Variants in CNTFR observed in about 807,000 individuals in gnomAD.
CNTFR encodes ciliary neurotrophic factor receptor, also known as ciliary neurotrophic factor receptor subunit alpha.
A neutral mutation model predicts 40.4 loss-of-function variants in CNTFR; 12 were observed. The ratio of observed to expected loss-of-function variants is 0.30; its 90% CI spans 0.19 to 0.48. The LOEUF is 0.48. Among genes scored for constraint, CNTFR ranks in the 20% least tolerant of loss-of-function variants. CNTFR has a pLI of 0.99. For synonymous variants in CNTFR, 202 were observed against 209.6 expected (o/e 0.96, Z 0.31); for missense variants, 414 against 506.8 (o/e 0.82, Z 1.76).
intron 4 of CNTFR, among the ~76,000 whole-genome samples, chr9:34,563,473 CTGGATAACTCACTCTTTACTGACTAACCT>C (rs1037973144): frequency 7.2e-5 from 11 of 152,246 alleles, no homozygotes; most frequent in Non-Finnish European, 1.6e-4. Context: ...GAGGCAATGT[CTGGATAACTCACTCTTTACTGACTAACCT>C]AACTTCCTTT....
chr9:34,576,276 T>C (rs1826957372), intron 2 of CNTFR, among the ~76,000 whole-genome samples: 2 of 152,074 alleles, frequency 1.3e-5, no homozygotes, highest in South Asian at 2.1e-4. Context: ...CGTGCACACA[T>C]TACAGTCACA....
intron 4 of CNTFR, among the ~76,000 whole-genome samples, chr9:34,560,082 A>C (rs967600884): frequency 6.6e-6 from 1 of 152,338 alleles, no homozygotes; most frequent in Middle Eastern, 3.4e-3. Context: ...GTTTCCTGAC[A>C]GGGACCAGGT....
intron 4 of CNTFR, among the ~76,000 whole-genome samples, 160 bp from the exon 5 acceptor site, chr9:34,558,144 C>T (rs1825925473): frequency 6.6e-6 from 1 of 152,148 alleles, no homozygotes. Flanking sequence ...TGAGGCTTCC[C>T]AGGCCACAAG....
intron 2 of CNTFR, among the ~76,000 whole-genome samples, chr9:34,574,681 G>A (rs770929490): frequency 7.2e-5 from 11 of 152,234 alleles, no homozygotes; most frequent in Non-Finnish European, 1.5e-4. Context: ...GTTGGTATCC[G>A]CACCTGCTGT....
chr9:34,558,353 C>CTG (rs1825934300), intron 4 of CNTFR, among the ~76,000 whole-genome samples: 1 of 152,322 alleles, frequency 6.6e-6, no homozygotes, highest in South Asian at 2.1e-4. Flanking sequence ...CAGAGGAAGA[C>CTG]TGTGCTGCAG....
At chr9:34,574,138 G>C (rs1005181592) in intron 2 of CNTFR, among the ~76,000 whole-genome samples, 1 of 152,034 alleles carries the variant, frequency 6.6e-6, no homozygotes, top group African/African-American at 2.4e-5. Flanking sequence ...AGGCTTGGGG[G>C]GTGGGGGGAC....
At chr9:34,584,755 A>T (rs552599501) in intron 1 of CNTFR, among the ~76,000 whole-genome samples, 1 of 151,232 alleles carries the variant, frequency 6.6e-6, no homozygotes, top group African/African-American at 2.4e-5. Context: ...CTTTCTACAA[A>T]ATCCTGAGGC....
rs77561565 is a variant in CNTFR at position 34,554,641 on chromosome 9, T to C, written c.768+1614A>G. Among the ~76,000 whole-genome samples the C allele has an allele frequency of 6.7e-3, 1,015 of 152,314 alleles. 10 individuals are homozygous for C. The highest frequency in any genetic ancestry group is 0.024 in the African/African-American group (980 of 41,558). ...GGGAACCCATGCTGGGTCCCAGTACTTGCCTCCCTCTTGTCCATGCTGAGA... is the reference window on the plus strand; with the variant it reads ...GGGAACCCATGCTGGGTCCCAGTACCTGCCTCCCTCTTGTCCATGCTGAGA... On this transcript the variant is annotated intron_variant, in intron 7 of 9. Coordinates refer to ENST00000378980, the MANE Select transcript of CNTFR (RefSeq NM_147164.3).
chr9:34,573,179 C>A (rs994239495), intron 2 of CNTFR, among the ~76,000 whole-genome samples: 4 of 152,228 alleles, frequency 2.6e-5, no homozygotes, highest in African/African-American at 7.2e-5. Context: ...TCACCCCATG[C>A]CCAGCTGAGG....
At position 34,586,605 on chromosome 9, in the gene CNTFR, A is replaced by C. The variant is rs148688639; in HGVS notation, c.-112+2950T>G. Among the ~76,000 whole-genome samples the C allele has an allele frequency of 1.7e-3, 256 of 152,252 alleles. 1 individual carries two copies. The highest frequency in any genetic ancestry group is 6.0e-3 in the African/African-American group (248 of 41,536). ...CCACCTGGCCCTTCTCTACCACAGA[A>C]GGGATGTCCAAAACTATTCAAGGGG... On this transcript the variant is annotated intron_variant, in intron 1 of 9. Coordinates refer to ENST00000378980, the MANE Select transcript of CNTFR (RefSeq NM_147164.3).
intron 7 of CNTFR, among the ~76,000 whole-genome samples, chr9:34,555,902 CGCCATCTCCCTCCCCT>C (rs1211679649): frequency 4.7e-4 from 67 of 143,246 alleles, no homozygotes; most frequent in African/African-American, 6.1e-4. Flanking sequence ...CTCCCTCCCC[CGCCATCTCCCTCCCCT>C]GCCATCTCCC....
rs561307995 is a variant in CNTFR, at chr9:34,577,153, C to T, written c.-1+3942G>A. Among the ~76,000 whole-genome samples, 11 of 152,312 alleles carry T rather than the reference C, an allele frequency of 7.2e-5. No homozygotes were observed. The South Asian group carries it at 2.3e-3, about 32-fold the overall frequency. On this transcript the variant is annotated intron_variant, in intron 2 of 9. Transcript: ENST00000378980. ...CCGCCCCCATCACTGGAGGAGTAGACGCGGAGTCGCTGTCCAGTCAGAATG... is the reference window on the plus strand; with the variant it reads ...CCGCCCCCATCACTGGAGGAGTAGATGCGGAGTCGCTGTCCAGTCAGAATG...
chr9:34,587,563 C>T (rs1215280885), intron 1 of CNTFR, among the ~76,000 whole-genome samples: 1 of 152,122 alleles, frequency 6.6e-6, no homozygotes, highest in East Asian at 1.9e-4. Context: ...TAGTGTGAAT[C>T]TGAGTGAGCT....
chr9:34,556,519 G>A, intron 6 of CNTFR, 101 bp from the exon 7 acceptor site: 1 of 1,158,980 alleles, frequency 8.6e-7, no homozygotes, highest in East Asian at 2.4e-5. Flanking sequence ...GCCAACCATT[G>A]TCATCAACAT....
intron 7 of CNTFR, among the ~76,000 whole-genome samples, chr9:34,553,940 G>C (rs2381165): frequency 0.77 from 116,907 of 151,832 alleles, 45,365 homozygotes; most frequent in East Asian, 0.87. Context: ...TGGGGTCTGG[G>C]CTATCTGACC....
intron 2 of CNTFR, among the ~76,000 whole-genome samples, chr9:34,572,715 C>G (rs943218628): frequency 6.6e-6 from 1 of 152,208 alleles, no homozygotes; most frequent in Non-Finnish European, 1.5e-5. Context: ...TAACAACACC[C>G]ATTGAAAATG....
At chr9:34,553,436 G>C (rs1247645042) in intron 7 of CNTFR, among the ~76,000 whole-genome samples, 2 of 152,172 alleles carry the variant, frequency 1.3e-5, no homozygotes, top group Non-Finnish European at 2.9e-5. Context: ...CCACCTCTTA[G>C]GGTTACAATG....
At chr9:34,580,416 C>G (rs1438917393) in intron 2 of CNTFR, among the ~76,000 whole-genome samples, 2 of 152,154 alleles carry the variant, frequency 1.3e-5, no homozygotes, top group Admixed American at 6.5e-5. Flanking sequence ...CCTGGGGTAC[C>G]CCACTCCACC....
At chr9:34,583,556 G>T (rs919194044) in intron 1 of CNTFR, among the ~76,000 whole-genome samples, 1 of 152,126 alleles carries the variant, frequency 6.6e-6, no homozygotes, top group African/African-American at 2.4e-5. Flanking sequence ...TGGACACCAG[G>T]TGGCTCCGCC....
Sources: gnomAD v4.1 joint callset for allele counts (sites outside exome capture counted in the v4.1 genomes callset) on GRCh38, gnomAD v4.1.1 for gene constraint, MANE v1.5 for transcripts, NCBI Gene and HGNC (gene_info 2026-07-23, HGNC 2026-07-21) for gene names.